Variants in CCDC102B observed in about 807,000 individuals in gnomAD.
CCDC102B encodes the protein coiled-coil domain containing 102B.
CCDC102B carries 75 observed loss-of-function variants against 57.4 expected under a neutral mutation model. That is an observed-to-expected ratio of 1.31 (90% CI 1.08 to 1.58). The LOEUF (loss-of-function observed/expected upper bound fraction) is 1.58. Ranked by LOEUF, CCDC102B falls within the 40% of genes most tolerant of loss-of-function variation. The probability of loss-of-function intolerance (pLI) is 0.00; values close to 1 mark genes in which losing one functional copy is unlikely to be tolerated. For missense variants in CCDC102B, 636 were observed against 582.6 expected (o/e 1.09, Z -0.94); for synonymous variants, 206 against 201.9 (o/e 1.02, Z -0.17).
At chr18:68,727,359 T>A (rs1568219212) in intron 2 of CCDC102B, among the ~76,000 whole-genome samples, 1 of 152,156 alleles carries the variant, frequency 6.6e-6, no homozygotes, top group Non-Finnish European at 1.5e-5. Context: ...TACTAGATAG[T>A]CACTGGGCAT....
At chr18:69,038,206 G>T (rs1003057710) in intron 7 of CCDC102B, among the ~76,000 whole-genome samples, 2 of 151,650 alleles carry the variant, frequency 1.3e-5, no homozygotes, top group South Asian at 2.1e-4. Flanking sequence ...ATAAAATGGC[G>T]CCATGAAATC....
At chr18:69,026,794 C>A (rs2052005253) in intron 7 of CCDC102B, among the ~76,000 whole-genome samples, 1 of 152,166 alleles carries the variant, frequency 6.6e-6, no homozygotes, top group Admixed American at 6.5e-5. Flanking sequence ...ATTTTGTCCC[C>A]TTTGTGTTTA....
intron 4 of CCDC102B, among the ~76,000 whole-genome samples, chr18:68,868,164 G>C (rs1053463442): frequency 6.6e-6 from 1 of 151,108 alleles, no homozygotes; most frequent in Admixed American, 6.6e-5. Context: ...TTTATAAAAA[G>C]TAAATATTTA....
chr18:68,812,957 T>C (rs72947496), intron 1 of CCDC102B, among the ~76,000 whole-genome samples: 1 of 151,270 alleles, frequency 6.6e-6, no homozygotes, highest in Non-Finnish European at 1.5e-5. Context: ...GAAGCTGAGG[T>C]CAGAAAAGAG....
At chr18:68,750,748 A>G (rs2033813406) in intron 2 of CCDC102B, among the ~76,000 whole-genome samples, 3 of 144,282 alleles carry the variant, frequency 2.1e-5, no homozygotes, top group Admixed American at 7.1e-5. Context: ...GAATTGAACA[A>G]TGAGAACACT....
intron 6 of CCDC102B, among the ~76,000 whole-genome samples, chr18:68,984,004 G>A (rs144702819): frequency 2.6e-4 from 40 of 151,870 alleles, no homozygotes; most frequent in African/African-American, 9.4e-4. Flanking sequence ...CTCTGTGCAG[G>A]AAAGTTAAGA....
At chr18:68,746,046 T>G (rs925365269) in intron 2 of CCDC102B, among the ~76,000 whole-genome samples, 1 of 152,188 alleles carries the variant, frequency 6.6e-6, no homozygotes, top group Non-Finnish European at 1.5e-5. Context: ...GGTCATGTGA[T>G]TCATCCAACC....
rs536598556 is a variant in CCDC102B, at chr18:68,751,424, G to T, written c.-67+34830G>T. ...TTCTTGCACCAAGAAACACTAGACA[G>T]CACTTCAGCACTATGCTTGGGGGCC... On this transcript the variant is annotated intron_variant, in intron 2 of 3. Transcript: ENST00000578970. 1.3e-4 allele frequency among the ~76,000 whole-genome samples: 20 copies of T among 152,202 alleles called. No individual in the cohort carries two copies. In the South Asian group the frequency reaches 4.2e-3, roughly 32 times the overall value.
intron 1 of CCDC102B, among the ~76,000 whole-genome samples, chr18:68,799,836 T>G (rs1461954787): frequency 2.0e-5 from 3 of 152,272 alleles, no homozygotes; most frequent in Non-Finnish European, 2.9e-5. Context: ...AATATACCTT[T>G]GTGAGTATCA....
intron 2 of CCDC102B, among the ~76,000 whole-genome samples, chr18:68,745,262 G>A (rs1407264536): frequency 6.6e-6 from 1 of 151,886 alleles, no homozygotes; most frequent in African/African-American, 2.4e-5. Context: ...AGCTGCCCAT[G>A]TTATGCATGT....
chr18:68,987,487 C>T (rs544441960), intron 6 of CCDC102B, among the ~76,000 whole-genome samples: 5 of 152,212 alleles, frequency 3.3e-5, no homozygotes, highest in Admixed American at 6.5e-5. Context: ...CCTTTCTCAG[C>T]GTCAACCTTG....
At chr18:69,034,233 G>C (rs2052224817) in intron 7 of CCDC102B, among the ~76,000 whole-genome samples, 1 of 151,736 alleles carries the variant, frequency 6.6e-6, no homozygotes, top group South Asian at 2.1e-4. Context: ...AGTCCAGTTT[G>C]TTTATTTTTT....
upstream of CCDC102B, among the ~76,000 whole-genome samples, chr18:68,796,732 G>A (rs1314788151): frequency 6.6e-6 from 1 of 152,040 alleles, no homozygotes; most frequent in Non-Finnish European, 1.5e-5. Context: ...GACAAGAGAT[G>A]TCTTCATGTG....
chr18:68,756,931 A>G (rs72958011), intron 2 of CCDC102B, among the ~76,000 whole-genome samples: 25,184 of 151,600 alleles, frequency 0.17, 2,120 homozygotes, highest in East Asian at 0.3. Flanking sequence ...GTGCATGTCT[A>G]TGCGTGTGTG....
chr18:68,899,214 C>T (rs2040351434), intron 6 of CCDC102B, among the ~76,000 whole-genome samples: 2 of 151,930 alleles, frequency 1.3e-5, no homozygotes, highest in South Asian at 4.2e-4. Flanking sequence ...AGCCAAAATT[C>T]TTAGTGCAAC....
At chr18:69,004,310 G>A (rs370292246) in intron 6 of CCDC102B, among the ~76,000 whole-genome samples, 1 of 152,156 alleles carries the variant, frequency 6.6e-6, no homozygotes, top group South Asian at 2.1e-4. Context: ...AGTAGGACTG[G>A]GAGGGCCGTG....
chr18:68,751,252 G>A (rs186992480), intron 2 of CCDC102B, among the ~76,000 whole-genome samples: 3 of 152,160 alleles, frequency 2.0e-5, no homozygotes, highest in African/African-American at 7.2e-5. Context: ...GTGAACATCT[G>A]TTCACATTTT....
At chr18:68,919,723 T>C (rs1356254917) in intron 6 of CCDC102B, among the ~76,000 whole-genome samples, 1 of 152,142 alleles carries the variant, frequency 6.6e-6, no homozygotes, top group Admixed American at 6.5e-5. Flanking sequence ...CTTCTGGATG[T>C]TCAGGTGAGT....
At chr18:68,956,391 T>TCTATATAA (rs2049861326) in intron 6 of CCDC102B, among the ~76,000 whole-genome samples, 1 of 93,780 alleles carries the variant, frequency 1.1e-5, no homozygotes, top group Non-Finnish European at 2.1e-5. Context: ...ATATATAATA[T>TCTATATAA]ATATATAAAT....
Sources: gnomAD v4.1 joint callset for allele counts (sites outside exome capture counted in the v4.1 genomes callset) on GRCh38, gnomAD v4.1.1 for gene constraint, MANE v1.5 for transcripts, NCBI Gene and HGNC (gene_info 2026-07-23, HGNC 2026-07-21) for gene names.